The following VAV3 variants were observed in gnomAD, a reference collection of about 807,000 sequenced individuals.
VAV3 encodes guanine nucleotide exchange factor VAV3.
A neutral mutation model predicts 131.2 loss-of-function variants in VAV3; 94 were observed. The observed-to-expected ratio is 0.72, with a 90% CI of 0.61 to 0.85. VAV3 has a LOEUF of 0.85. Ranked by LOEUF, VAV3 falls within the 40% of genes least tolerant of loss-of-function variation. The probability of loss-of-function intolerance (pLI) is 0.00; values close to 1 mark genes in which losing one functional copy is unlikely to be tolerated. For missense variants in VAV3, 939 were observed against 1,002.7 expected (o/e 0.94, Z 0.86); for synonymous variants, 349 against 342.0 (o/e 1.02, Z -0.22).
At chr1:107,767,952 G>A (rs1445084657) in intron 7 of VAV3, among the ~76,000 whole-genome samples, 1 of 152,202 alleles carries the variant, frequency 6.6e-6, no homozygotes, top group African/African-American at 2.4e-5. Context: ...TCATAAGGAA[G>A]TAGGGTATTT....
intron 9 of VAV3, among the ~76,000 whole-genome samples, chr1:107,761,121 G>A (rs559542080): frequency 2.0e-5 from 3 of 152,170 alleles, no homozygotes; most frequent in South Asian, 2.1e-4. Context: ...CGGGCGCGGT[G>A]GCTCACGCCT....
chr1:107,856,081 C>T (rs78285516), intron 2 of VAV3, among the ~76,000 whole-genome samples: 2,265 of 152,234 alleles, frequency 0.015, 44 homozygotes, highest in African/African-American at 0.042. Context: ...CATAAGCAAG[C>T]TCACAAATGA....
intron 15 of VAV3, among the ~76,000 whole-genome samples, chr1:107,729,410 G>GA (rs1182197574): frequency 1.3e-5 from 2 of 152,008 alleles, no homozygotes; most frequent in Non-Finnish European, 2.9e-5. Flanking sequence ...AAGAAACAAA[G>GA]AAAAATGCAG....
chr1:107,947,090 T>C (rs1167734062), intron 1 of VAV3, among the ~76,000 whole-genome samples: 1 of 152,160 alleles, frequency 6.6e-6, no homozygotes, highest in African/African-American at 2.4e-5. Flanking sequence ...CTAGAGCCTA[T>C]AACCTTTTTG....
chr1:107,585,103 T>C (rs1331829630), intron 25 of VAV3, among the ~76,000 whole-genome samples: 1 of 152,202 alleles, frequency 6.6e-6, no homozygotes, highest in African/African-American at 2.4e-5. Context: ...TTAGGCTCTA[T>C]TGGAGCCCTC....
At chr1:107,722,522 A>G (rs566409641) in intron 15 of VAV3, among the ~76,000 whole-genome samples, 1 of 152,332 alleles carries the variant, frequency 6.6e-6, no homozygotes, top group South Asian at 2.1e-4. Flanking sequence ...ACCCTCAAAA[A>G]ATATTTTCAA....
intron 15 of VAV3, among the ~76,000 whole-genome samples, chr1:107,715,865 G>A (rs1160634124): frequency 6.6e-6 from 1 of 152,140 alleles, no homozygotes; most frequent in East Asian, 1.9e-4. Flanking sequence ...GGAATGCTGA[G>A]CTGGCACAGT....
intron 1 of VAV3, among the ~76,000 whole-genome samples, chr1:107,917,535 A>G (rs2101138615): frequency 6.6e-6 from 1 of 152,262 alleles, no homozygotes; most frequent in South Asian, 2.1e-4. Context: ...AATACTAGAC[A>G]TTTTCAAACC....
In VAV3 at chr1:107,709,316, T is replaced by A. The variant is rs78134314; in HGVS notation, c.1503-4255A>T. Among the ~76,000 whole-genome samples the A allele has an allele frequency of 8.7e-3, 1,322 of 152,218 alleles. 24 individuals carry two copies. Among genetic ancestry groups the A allele is most frequent in the African/African-American group, 0.031 (1,268 of 41,544 alleles). ...GCTAGATATTCATAGCTGATAGAAA[T>A]CAGAAAAAATATGCTTTTACTGTAG... is the stretch of plus-strand genomic sequence containing the variant. On this transcript the variant is annotated intron_variant, in intron 15 of 26. Coordinates refer to ENST00000370056, the MANE Select transcript of VAV3 (RefSeq NM_006113.5).
At chr1:107,947,891 T>A (rs1343352524) in intron 1 of VAV3, among the ~76,000 whole-genome samples, 3 of 152,162 alleles carry the variant, frequency 2.0e-5, no homozygotes, top group African/African-American at 7.2e-5. Context: ...AACAGGAAAC[T>A]GACAAACAAA....
chr1:107,939,688 C>T (rs757687443), intron 1 of VAV3, among the ~76,000 whole-genome samples: 2 of 152,098 alleles, frequency 1.3e-5, no homozygotes, highest in African/African-American at 4.8e-5. Context: ...CTGTCTTAGC[C>T]TGAGTTTCCC....
At chr1:107,582,967 A>G (rs1379118526) in intron 25 of VAV3, among the ~76,000 whole-genome samples, 6 of 152,226 alleles carry the variant, frequency 3.9e-5, no homozygotes, top group Admixed American at 2.6e-4. Flanking sequence ...TTCTAGTTCT[A>G]GATCCCTGAG....
At chr1:107,930,901 G>T (rs1431729863) in intron 1 of VAV3, among the ~76,000 whole-genome samples, 3 of 152,262 alleles carry the variant, frequency 2.0e-5, no homozygotes, top group Admixed American at 6.5e-5. Flanking sequence ...TGCCTTCAGA[G>T]CTAATATTCA....
intron 1 of VAV3, among the ~76,000 whole-genome samples, chr1:107,893,510 G>A (rs1442899090): frequency 6.6e-6 from 1 of 152,188 alleles, no homozygotes; most frequent in Admixed American, 6.5e-5. Context: ...AGTGGCTGGG[G>A]AGGCCTCATA....
intron 1 of VAV3, among the ~76,000 whole-genome samples, chr1:107,951,057 T>C (rs1340127761): frequency 6.6e-6 from 1 of 152,218 alleles, no homozygotes; most frequent in Non-Finnish European, 1.5e-5. Context: ...TCCTGACAAA[T>C]GCAAATGGTA....
Position 107,707,801 on chromosome 1 carries a change from C to T in VAV3, c.1503-2740G>A, listed in dbSNP as rs72977675. 5.6e-3 allele frequency among the ~76,000 whole-genome samples: 849 copies of T among 152,042 alleles called. 11 individuals carry two copies. Among genetic ancestry groups the T allele is most frequent in the African/African-American group, 0.018 (748 of 41,468 alleles). Reference sequence around the variant, plus strand: ...CATGGTCCGTGGCCTGTGGGGGTGCCGAAACCAAAGACAGTAAGCTGGCTG... The same window carrying T: ...CATGGTCCGTGGCCTGTGGGGGTGCTGAAACCAAAGACAGTAAGCTGGCTG... On this transcript the variant is annotated intron_variant, in intron 15 of 26. Transcript: ENST00000370056.
intron 24 of VAV3, among the ~76,000 whole-genome samples, chr1:107,601,152 T>C (rs1013957326): frequency 6.6e-6 from 1 of 152,142 alleles, no homozygotes; most frequent in Non-Finnish European, 1.5e-5. Context: ...TCTGGTCCAA[T>C]TCTCTCTGTG....
intron 9 of VAV3, among the ~76,000 whole-genome samples, chr1:107,761,392 CAAAAAAAAAAA>C (rs35391183): frequency 9.8e-6 from 1 of 102,522 alleles, no homozygotes; most frequent in African/African-American, 3.7e-5. Flanking sequence ...GACTCCGTCT[CAAAAAAAAAAA>C]AAAAAAGAAA....
At chr1:107,752,755 G>A (rs1284596100) in intron 12 of VAV3, among the ~76,000 whole-genome samples, 1 of 152,154 alleles carries the variant, frequency 6.6e-6, no homozygotes, top group Non-Finnish European at 1.5e-5. Context: ...ATGAGATATT[G>A]CTTTAAAACC....
Sources: gnomAD v4.1 joint callset for allele counts (sites outside exome capture counted in the v4.1 genomes callset) on GRCh38, gnomAD v4.1.1 for gene constraint, MANE v1.5 for transcripts, NCBI Gene and HGNC (gene_info 2026-07-23, HGNC 2026-07-21) for gene names.